The following TRIOBP variants were observed in gnomAD, a reference collection of about 807,000 sequenced individuals.
The protein encoded by TRIOBP is TRIO and F-actin-binding protein.
Under a neutral mutation model 238.8 loss-of-function variants are expected in TRIOBP, and 169 were observed. The ratio of observed to expected loss-of-function variants is 0.71; its 90% CI spans 0.62 to 0.80. The LOEUF is 0.80. Ranked by LOEUF, TRIOBP falls within the 30% of genes least tolerant of loss-of-function variation. The pLI is 0.00. For missense variants in TRIOBP, 2,838 were observed against 3,122.6 expected (o/e 0.91, Z 2.17); for synonymous variants, 1,150 against 1,274.4 (o/e 0.90, Z 2.08).
At chr22:37,730,681 C>T (rs1924379124) in intron 7 of TRIOBP, among the ~76,000 whole-genome samples, 1 of 152,120 alleles carries the variant, frequency 6.6e-6, no homozygotes, top group Non-Finnish European at 1.5e-5. Context: ...GTGGCTCATG[C>T]TTGTAATGCC....
At position 37,776,274 on chromosome 22, in the gene TRIOBP, G is replaced by A. The variant is rs1927027379; in HGVS notation, c.*2494G>A. On this transcript the variant is annotated 3_prime_UTR_variant, in exon 24 of 24. Transcript: ENST00000644935. ...ACTATCAGAATAGCTCAGAGGAGAAGGTCTGCCAGTACCAAGTGCTGGTGG... is the reference window on the plus strand; with the variant it reads ...ACTATCAGAATAGCTCAGAGGAGAAAGTCTGCCAGTACCAAGTGCTGGTGG... 6.6e-6 allele frequency: 1 copy of A among 152,250 alleles called. No homozygotes were observed. Among genetic ancestry groups the A allele is most frequent in the South Asian group, 2.1e-4 (1 of 4,832 alleles). 9.4% of individuals were successfully genotyped at this position (152,250 alleles called of 1,614,324 possible).
chr22:37,703,396 G>C (rs1009722759), intron 3 of TRIOBP, among the ~76,000 whole-genome samples: 3 of 151,918 alleles, frequency 2.0e-5, no homozygotes, highest in African/African-American at 7.3e-5. Flanking sequence ...TAAACACAGA[G>C]CACCTGATAC....
In TRIOBP at chr22:37,723,403, C is replaced by T. The variant is rs966116669; in HGVS notation, c.847C>T (p.Arg283Ter). The T allele has an allele frequency of 2.5e-6, 4 of 1,605,366 alleles. No homozygotes were observed. Among genetic ancestry groups the T allele is most frequent in the South Asian group, 1.1e-5 (1 of 90,092 alleles). Residue 283 changes from arginine to a stop codon, truncating the protein, a stop_gained, in exon 7 of 24, where the codon CGA (arginine) becomes TGA (stop). Coordinates refer to ENST00000644935, the MANE Select transcript of TRIOBP (RefSeq NM_001039141.3). LOFTEE classifies it high-confidence loss of function. ...AATCCCCAGAGCCTCCTCTCCCCAT[C>T]GAATCACCCAAAGGGACACCTCCAG... Reference protein sequence around the residue: ...REIPRASSPHRITQRDTSRAS... With the variant: ...REIPRASSPH
At position 37,701,360 on chromosome 22, in the gene TRIOBP, C is replaced by T. The variant is rs1474344189; in HGVS notation, c.-6C>T. On this transcript the variant is annotated 5_prime_UTR_variant, in exon 3 of 24. Coordinates refer to ENST00000644935, the MANE Select transcript of TRIOBP (RefSeq NM_001039141.3). The stretch of plus-strand genomic sequence containing the variant: ...ATAGGAACTGCCCTGGCCTGACTCA[C>T]CCAATATGGAGGAGGTGCCTGGGGA... The T allele has an allele frequency of 1.2e-6, 2 of 1,609,982 alleles. No individual in the cohort carries two copies. The highest frequency in any genetic ancestry group is 1.7e-6 in the Non-Finnish European group (2 of 1,177,516).
At chr22:37,759,789 C>T in intron 17 of TRIOBP, 2 of 1,359,400 alleles carry the variant, frequency 1.5e-6, no homozygotes, top group East Asian at 6.0e-5. Context: ...CCCTTGGGGA[C>T]ATTTGGCTGT....
intron 3 of TRIOBP, among the ~76,000 whole-genome samples, chr22:37,703,756 C>G (rs895708897): frequency 6.6e-6 from 1 of 151,982 alleles, no homozygotes; most frequent in African/African-American, 2.4e-5. Flanking sequence ...TCGCCCACCT[C>G]GACCTCCCAA....
intron 11 of TRIOBP, chr22:37,750,871 G>A: frequency 2.5e-6 from 1 of 402,998 alleles, no homozygotes; most frequent in Non-Finnish European, 5.2e-6. Context: ...TTCTCTGCAG[G>A]CAACCAGACA....
chr22:37,761,149 CTAA>C (rs1926225486), intron 17 of TRIOBP, among the ~76,000 whole-genome samples: 1 of 151,876 alleles, frequency 6.6e-6, no homozygotes, highest in South Asian at 2.1e-4. Flanking sequence ...CAGTGCTGAG[CTAA>C]TAGTTAGAAG....
At chr22:37,702,249 AG>A (rs1922690263) in intron 3 of TRIOBP, among the ~76,000 whole-genome samples, 1 of 151,944 alleles carries the variant, frequency 6.6e-6, no homozygotes, top group Non-Finnish European at 1.5e-5. Context: ...CCTGGGCTAG[AG>A]TGCAATGGCA....
chr22:37,711,491 A>G (rs1923233004), intron 4 of TRIOBP, among the ~76,000 whole-genome samples: 1 of 151,176 alleles, frequency 6.6e-6, no homozygotes, highest in Admixed American at 6.6e-5. Flanking sequence ...AGGCAGGAGA[A>G]CCACTTGAAC....
chr22:37,710,651 C>T, intron 4 of TRIOBP, 85 bp downstream of exon 4: 2 of 1,512,174 alleles, frequency 1.3e-6, no homozygotes, highest in Non-Finnish European at 1.8e-6. Flanking sequence ...CCCAAGGCAG[C>T]ACCTGTCTCT....
At chr22:37,742,772 A>T (rs1601645116) in intron 11 of TRIOBP, among the ~76,000 whole-genome samples, 1 of 152,314 alleles carries the variant, frequency 6.6e-6, no homozygotes, top group East Asian at 1.9e-4. Flanking sequence ...ACTCTGGGGT[A>T]ATGATGCTGG....
chr22:37,755,093 T>C lies in TRIOBP; in HGVS notation c.5488-8T>C, dbSNP rs1569056290. 1.2e-6 allele frequency: 2 copies of C among 1,613,416 alleles called. No homozygotes were observed. The highest frequency in any genetic ancestry group is 2.2e-5 in the East Asian group (1 of 44,840). On this transcript the variant is annotated splice_polypyrimidine_tract_variant and splice_region_variant and intron_variant, in intron 13 of 23. Coordinates refer to ENST00000644935, the MANE Select transcript of TRIOBP (RefSeq NM_001039141.3). ...CCACACGGACCATAGTGGGCCCTCT[T>C]GCTCCAGGCAGATGAGCTGGATGGT...
At chr22:37,703,521 T>C (rs971858083) in intron 3 of TRIOBP, among the ~76,000 whole-genome samples, 1 of 150,484 alleles carries the variant, frequency 6.6e-6, no homozygotes, top group Admixed American at 6.6e-5. Context: ...TTTTTTTTTT[T>C]TGAGACAGAG....
chr22:37,738,603 A>T, intron 9 of TRIOBP, 39 bp from the exon 10 acceptor site: 4 of 1,600,218 alleles, frequency 2.5e-6, no homozygotes, highest in Non-Finnish European at 2.6e-6. Flanking sequence ...ATCCTGGAGA[A>T]TAAGTTGGGC....
chr22:37,725,857 C>T lies in TRIOBP; in HGVS notation c.3301C>T (p.Pro1101Ser). Residue 1101 changes from proline to serine, a missense_variant, in exon 7 of 24, where the codon CCC (proline) becomes TCC (serine). Coordinates refer to ENST00000644935, the MANE Select transcript of TRIOBP (RefSeq NM_001039141.3). ...TSDAEHQCQS[P>S]QHEPLQLPAP... ...AGATGCCGAGCATCAGTGTCAGTCC[C>T]CCCAACACGAGCCCCTTCAGCTCCC... is the stretch of plus-strand genomic sequence containing the variant. 2.5e-6 allele frequency: 4 copies of T among 1,613,142 alleles called. No individual in the cohort carries two copies. The highest frequency in any genetic ancestry group is 3.4e-6 in the Non-Finnish European group (4 of 1,179,704).
chr22:37,701,604 G>T, intron 3 of TRIOBP, 125 bp downstream of exon 3: 1 of 706,162 alleles, frequency 1.4e-6, no homozygotes, highest in East Asian at 2.7e-5. Context: ...CGAGAGCCTC[G>T]GTTTTCCCAC....
At chr22:37,755,733 C>A in intron 15 of TRIOBP, 74 bp downstream of exon 15, 2 of 1,280,068 alleles carry the variant, frequency 1.6e-6, no homozygotes, top group Non-Finnish European at 2.3e-6. Context: ...TCTAGGTACT[C>A]ACCTGAGGGC....
intron 5 of TRIOBP, among the ~76,000 whole-genome samples, chr22:37,715,307 G>A (rs565421618): frequency 4.2e-4 from 64 of 151,526 alleles, no homozygotes; most frequent in African/African-American, 1.5e-3. Context: ...GAGCCACTGC[G>A]CCCTGCAGGG....
Sources: allele counts gnomAD v4.1 joint callset (sites outside exome capture counted in the v4.1 genomes callset), GRCh38; gene constraint gnomAD v4.1.1; transcripts MANE v1.5; gene names NCBI Gene and HGNC (gene_info 2026-07-23, HGNC 2026-07-21).